CDH13: variants seen among roughly 807,000 people sequenced by gnomAD.
The protein encoded by CDH13 is cadherin 13, also known as cadherin-13.
In CDH13, 24 loss-of-function variants were observed where a neutral mutation model predicts 63.8. The observed-to-expected ratio is 0.38, with a 90% CI of 0.27 to 0.53. CDH13 has a LOEUF of 0.53. Ranked by LOEUF, CDH13 falls within the 20% of genes least tolerant of loss-of-function variation. The probability of loss-of-function intolerance (pLI) is 0.85; values close to 1 mark genes in which losing one functional copy is unlikely to be tolerated. For synonymous variants in CDH13, 503 were observed against 355.3 expected (o/e 1.42, Z -4.67); for missense variants, 1,049 against 903.1 (o/e 1.16, Z -2.07).
At chr16:83,650,909 T>C (rs1263579026) in intron 8 of CDH13, among the ~76,000 whole-genome samples, 1 of 151,082 alleles carries the variant, frequency 6.6e-6, no homozygotes, top group Non-Finnish European at 1.5e-5. Flanking sequence ...CCTGTCTCTA[T>C]AAAAATTTTA....
At chr16:83,609,806 C>T (rs1304979247) in intron 8 of CDH13, among the ~76,000 whole-genome samples, 1 of 152,142 alleles carries the variant, frequency 6.6e-6, no homozygotes, top group African/African-American at 2.4e-5. Flanking sequence ...GTCGAATTAT[C>T]ATTACTGTCT....
chr16:83,305,282 G>C (rs1368633893), intron 5 of CDH13, among the ~76,000 whole-genome samples: 1 of 152,206 alleles, frequency 6.6e-6, no homozygotes, highest in Non-Finnish European at 1.5e-5. Context: ...ATCAGAAGCA[G>C]GGGAGTGAGG....
At chr16:83,201,832 G>T (rs952577271) in intron 4 of CDH13, among the ~76,000 whole-genome samples, 1 of 152,000 alleles carries the variant, frequency 6.6e-6, no homozygotes, top group South Asian at 2.1e-4. Context: ...CAAGAATGGC[G>T]TGAACCCGGA....
At chr16:82,924,282 T>G (rs1425199184) in intron 2 of CDH13, among the ~76,000 whole-genome samples, 3 of 152,198 alleles carry the variant, frequency 2.0e-5, no homozygotes, top group Non-Finnish European at 4.4e-5. Context: ...ATAGCAGCCT[T>G]GTTCATGCAG....
chr16:82,764,190 C>G (rs901766625), intron 1 of CDH13, among the ~76,000 whole-genome samples: 1 of 152,152 alleles, frequency 6.6e-6, no homozygotes, highest in African/African-American at 2.4e-5. Context: ...AATACATATT[C>G]CTCATTTACA....
At chr16:83,219,182 T>G (rs998036936) in intron 5 of CDH13, among the ~76,000 whole-genome samples, 1 of 152,208 alleles carries the variant, frequency 6.6e-6, no homozygotes, top group Admixed American at 6.5e-5. Context: ...TTGGGATTCT[T>G]GTCCATAAAG....
intron 2 of CDH13, among the ~76,000 whole-genome samples, chr16:82,913,276 C>T (rs1020044016): frequency 6.6e-6 from 1 of 152,100 alleles, no homozygotes; most frequent in Non-Finnish European, 1.5e-5. Flanking sequence ...GGGAAACGTT[C>T]GATGCTGCGT....
intron 11 of CDH13, among the ~76,000 whole-genome samples, chr16:83,754,961 A>G (rs1401448553): frequency 6.6e-6 from 1 of 152,200 alleles, no homozygotes; most frequent in East Asian, 1.9e-4. Flanking sequence ...ACAGTTTTAT[A>G]AAAATTACTT....
intron 4 of CDH13, among the ~76,000 whole-genome samples, chr16:83,137,876 T>G (rs2151669365): frequency 1.3e-5 from 2 of 152,084 alleles, no homozygotes; most frequent in South Asian, 4.2e-4. Context: ...TTTTAGGTTT[T>G]TTTTTTAAGA....
At chr16:83,181,040 A>C in intron 4 of CDH13, 2 of 1,496,960 alleles carry the variant, frequency 1.3e-6, no homozygotes, top group Non-Finnish European at 1.8e-6. Context: ...TCGGTATTTC[A>C]AATCCATTTT....
At chr16:83,081,769 G>A (rs1479246339) in intron 3 of CDH13, among the ~76,000 whole-genome samples, 5 of 152,018 alleles carry the variant, frequency 3.3e-5, no homozygotes, top group South Asian at 2.1e-4. Flanking sequence ...TTCCATCATC[G>A]GGTTCCACCC....
At chr16:83,392,253 A>T (rs1160209809) in intron 6 of CDH13, among the ~76,000 whole-genome samples, 1 of 152,176 alleles carries the variant, frequency 6.6e-6, no homozygotes, top group African/African-American at 2.4e-5. Flanking sequence ...CATCTGTGAT[A>T]TGGGTGCATG....
intron 5 of CDH13, among the ~76,000 whole-genome samples, chr16:83,257,551 G>A (rs1906447239): frequency 6.6e-6 from 1 of 152,152 alleles, no homozygotes; most frequent in Non-Finnish European, 1.5e-5. Flanking sequence ...AATCTGTTAG[G>A]AAGAAAAACT....
intron 6 of CDH13, among the ~76,000 whole-genome samples, chr16:83,420,616 A>T (rs1191190862): frequency 6.6e-6 from 1 of 152,200 alleles, no homozygotes; most frequent in East Asian, 1.9e-4. Flanking sequence ...AGAGGGACAG[A>T]GCTAATAGGA....
intron 6 of CDH13, among the ~76,000 whole-genome samples, chr16:83,399,755 G>T (rs1057145376): frequency 6.6e-6 from 1 of 152,092 alleles, no homozygotes; most frequent in Non-Finnish European, 1.5e-5. Context: ...GCTAGACTCT[G>T]GGCTCCAGGA....
chr16:83,750,473 C>G (rs412279), intron 11 of CDH13, among the ~76,000 whole-genome samples: 3 of 152,330 alleles, frequency 2.0e-5, no homozygotes, highest in African/African-American at 7.2e-5. Flanking sequence ...TCAATGTTGA[C>G]GTATTGGAGT....
At chr16:83,360,331 T>A (rs2091137929) in intron 6 of CDH13, among the ~76,000 whole-genome samples, 1 of 152,178 alleles carries the variant, frequency 6.6e-6, no homozygotes, top group Admixed American at 6.6e-5. Flanking sequence ...GTTATGAGAA[T>A]TAAATGAGAT....
intron 9 of CDH13, among the ~76,000 whole-genome samples, chr16:83,677,859 A>T (rs1449460967): frequency 6.6e-6 from 1 of 152,014 alleles, no homozygotes; most frequent in African/African-American, 2.4e-5. Flanking sequence ...TTGCCTAACG[A>T]TATCTCAGAG....
chr16:83,234,475 A>C (rs2040089316), intron 5 of CDH13, among the ~76,000 whole-genome samples: 1 of 152,114 alleles, frequency 6.6e-6, no homozygotes, highest in Non-Finnish European at 1.5e-5. Flanking sequence ...GTCAGTAGGG[A>C]GAGGGAAACC....
Sources: gnomAD v4.1 joint callset for allele counts (sites outside exome capture counted in the v4.1 genomes callset) on GRCh38, gnomAD v4.1.1 for gene constraint, MANE v1.5 for transcripts, NCBI Gene and HGNC (gene_info 2026-07-23, HGNC 2026-07-21) for gene names.